Variants in RSPO2 observed in about 807,000 individuals in gnomAD.
RSPO2 encodes R-spondin-2.
Under a neutral mutation model 30.9 loss-of-function variants are expected in RSPO2, and 14 were observed. The observed-to-expected ratio is 0.45, with a 90% CI of 0.30 to 0.71. The LOEUF is 0.71. Among genes scored for constraint, RSPO2 ranks in the 30% least tolerant of loss-of-function variants. The probability of loss-of-function intolerance (pLI) is 0.08; values close to 1 mark genes in which losing one functional copy is unlikely to be tolerated. For synonymous variants in RSPO2, 107 were observed against 96.4 expected (o/e 1.11, Z -0.64); for missense variants, 264 against 301.9 (o/e 0.87, Z 0.93).
chr8:108,011,134 GA>G (rs66722934), intron 2 of RSPO2, among the ~76,000 whole-genome samples: 10,340 of 100,184 alleles, frequency 0.1, 467 homozygotes, highest in African/African-American at 0.2. Flanking sequence ...CTCCGTCCCA[GA>G]AAAAAAAAAA....
At chr8:107,928,273 C>T (rs754767524) in intron 5 of RSPO2, among the ~76,000 whole-genome samples, 11 of 152,138 alleles carry the variant, frequency 7.2e-5, no homozygotes, top group Non-Finnish European at 1.5e-4. Flanking sequence ...TTAGATCATC[C>T]TTTACCCTTT....
At chr8:107,991,676 A>G (rs1203486836) in intron 2 of RSPO2, among the ~76,000 whole-genome samples, 1 of 152,220 alleles carries the variant, frequency 6.6e-6, no homozygotes, top group Non-Finnish European at 1.5e-5. Flanking sequence ...TTTAGCATCT[A>G]TAAAGATCTT....
intron 2 of RSPO2, among the ~76,000 whole-genome samples, chr8:108,017,174 A>C (rs965764405): frequency 6.0e-5 from 9 of 151,108 alleles, no homozygotes; most frequent in Admixed American, 2.0e-4. Flanking sequence ...CCACCACCAC[A>C]CCCAGCTAAT....
intron 5 of RSPO2, among the ~76,000 whole-genome samples, chr8:107,918,315 A>G (rs899297129): frequency 1.3e-5 from 2 of 152,174 alleles, no homozygotes; most frequent in African/African-American, 4.8e-5. Context: ...TTCTCAATTT[A>G]TGGCGGTGTA....
chr8:107,959,835 C>T (rs529833082), intron 4 of RSPO2, among the ~76,000 whole-genome samples: 13 of 152,170 alleles, frequency 8.5e-5, no homozygotes, highest in African/African-American at 3.1e-4. Context: ...TTTGCAAGCT[C>T]TCAAATACAC....
intron 2 of RSPO2, among the ~76,000 whole-genome samples, chr8:108,013,869 G>A (rs1248819010): frequency 6.6e-6 from 1 of 152,132 alleles, no homozygotes; most frequent in Non-Finnish European, 1.5e-5. Flanking sequence ...TAAAACTAAA[G>A]AGCTTCTGCA....
intron 3 of RSPO2, among the ~76,000 whole-genome samples, chr8:107,982,664 T>C (rs1814485869): frequency 6.6e-6 from 1 of 152,158 alleles, no homozygotes; most frequent in Non-Finnish European, 1.5e-5. Flanking sequence ...TGACTCCATG[T>C]ACTCCCCAAA....
At chr8:107,969,292 A>T (rs1441174970) in intron 3 of RSPO2, among the ~76,000 whole-genome samples, 1 of 152,152 alleles carries the variant, frequency 6.6e-6, no homozygotes, top group Non-Finnish European at 1.5e-5. Context: ...GTTCTATCTT[A>T]CATGCCATAG....
At chr8:108,032,781 C>T (rs544560744) in intron 2 of RSPO2, among the ~76,000 whole-genome samples, 3 of 152,100 alleles carry the variant, frequency 2.0e-5, no homozygotes, top group Non-Finnish European at 2.9e-5. Context: ...CAGGATTATA[C>T]CACTATGTCT....
intron 2 of RSPO2, among the ~76,000 whole-genome samples, chr8:108,006,455 G>A (rs1815454240): frequency 6.6e-6 from 1 of 152,000 alleles, no homozygotes; most frequent in Admixed American, 6.6e-5. Flanking sequence ...AAGACTATGG[G>A]GTTTTTTGGT....
At chr8:107,902,356 T>G (rs930677951) in intron 5 of RSPO2, among the ~76,000 whole-genome samples, 1 of 152,174 alleles carries the variant, frequency 6.6e-6, no homozygotes, top group African/African-American at 2.4e-5. Flanking sequence ...GTGTAGCTAT[T>G]TGACAGCACA....
chr8:107,978,394 T>A (rs1586595891), intron 3 of RSPO2, among the ~76,000 whole-genome samples: 2 of 152,126 alleles, frequency 1.3e-5, no homozygotes, highest in African/African-American at 4.8e-5. Flanking sequence ...GCCATTGCAC[T>A]CTAGCCTGGG....
chr8:108,077,826 CT>C (rs1426001911), intron 2 of RSPO2, among the ~76,000 whole-genome samples: 1 of 152,054 alleles, frequency 6.6e-6, no homozygotes, highest in Non-Finnish European at 1.5e-5. Context: ...AAAAAATAAG[CT>C]TCATGTCATC....
At chr8:108,000,437 C>A (rs1815203031) in intron 2 of RSPO2, among the ~76,000 whole-genome samples, 1 of 152,114 alleles carries the variant, frequency 6.6e-6, no homozygotes, top group Admixed American at 6.6e-5. Context: ...TCCAAAGGAG[C>A]TGCTGATGTG....
chr8:107,969,434 G>A (rs922634985), intron 3 of RSPO2, among the ~76,000 whole-genome samples: 2 of 152,132 alleles, frequency 1.3e-5, no homozygotes, highest in Non-Finnish European at 2.9e-5. Flanking sequence ...TATGCTGCTA[G>A]TAGCTTCACT....
rs572464244 is a variant in RSPO2, at chr8:108,061,396, T to A, written c.94+21149A>T. Among the ~76,000 whole-genome samples, 70 of 151,822 alleles carry A rather than the reference T, an allele frequency of 4.6e-4. 1 individual carries two copies. Among genetic ancestry groups the A allele is most frequent in the African/African-American group, 1.7e-3 (68 of 41,168 alleles). On this transcript the variant is annotated intron_variant, in intron 2 of 5. Transcript: ENST00000276659. ...AAGGGGTTGCAATCCTAGTCTCTGA[T>A]AAAACAGACTTTAAACCAACAAAGA...
chr8:108,058,508 AT>A (rs1812333894), intron 2 of RSPO2, among the ~76,000 whole-genome samples: 1 of 152,168 alleles, frequency 6.6e-6, no homozygotes, highest in South Asian at 2.1e-4. Context: ...TTTAAAGTTC[AT>A]ATGGAACCAA....
At chr8:108,054,097 C>G (rs375142232) in intron 2 of RSPO2, among the ~76,000 whole-genome samples, 12 of 152,134 alleles carry the variant, frequency 7.9e-5, no homozygotes, top group African/African-American at 2.4e-4. Context: ...AACAGACACT[C>G]TCCTGGGCAC....
chr8:108,004,755 T>C (rs1027941695), intron 2 of RSPO2, among the ~76,000 whole-genome samples: 9 of 152,230 alleles, frequency 5.9e-5, no homozygotes, highest in Admixed American at 1.3e-4. Flanking sequence ...TGTATACATA[T>C]GATTTTCTGA....
Sources: gnomAD v4.1 joint callset for allele counts (sites outside exome capture counted in the v4.1 genomes callset) on GRCh38, gnomAD v4.1.1 for gene constraint, MANE v1.5 for transcripts, NCBI Gene and HGNC (gene_info 2026-07-23, HGNC 2026-07-21) for gene names.